Variants in RGS6 observed in about 807,000 individuals in gnomAD.
RGS6 encodes regulator of G protein signaling 6, also known as regulator of G-protein signaling 6.
RGS6 carries 30 observed loss-of-function variants against 78.5 expected under a neutral mutation model. The ratio of observed to expected loss-of-function variants is 0.38; its 90% confidence interval spans 0.29 to 0.52. The LOEUF is 0.52. Among genes scored for constraint, RGS6 ranks in the 20% least tolerant of loss-of-function variants. The pLI is 0.85. For synonymous variants in RGS6, 206 were observed against 206.0 expected (o/e 1.00, Z 0.00); for missense variants, 495 against 609.7 (o/e 0.81, Z 1.98).
intron 2 of RGS6, among the ~76,000 whole-genome samples, chr14:72,100,899 C>T (rs1313747828): frequency 1.3e-5 from 2 of 152,208 alleles, no homozygotes; most frequent in East Asian, 3.8e-4. Context: ...TGACTCATGC[C>T]TGTAATCCCA....
intron 2 of RGS6, among the ~76,000 whole-genome samples, chr14:71,983,424 G>A (rs553797586): frequency 6.6e-6 from 1 of 152,348 alleles, no homozygotes; most frequent in South Asian, 2.1e-4. Context: ...CTAAGGTGCT[G>A]TAACAAAGTC....
At chr14:71,982,024 A>G (rs1159467931) in intron 2 of RGS6, among the ~76,000 whole-genome samples, 5 of 151,742 alleles carry the variant, frequency 3.3e-5, no homozygotes, top group Admixed American at 3.3e-4. Flanking sequence ...AAAGCGCAGT[A>G]TTCGGGTGGG....
intron 2 of RGS6, among the ~76,000 whole-genome samples, chr14:72,319,698 A>G (rs900265081): frequency 5.3e-5 from 8 of 152,228 alleles, no homozygotes; most frequent in African/African-American, 1.9e-4. Flanking sequence ...AAAGTAAAAT[A>G]GACACTAGAC....
At chr14:72,460,840 G>A (rs1380367796) in intron 6 of RGS6, among the ~76,000 whole-genome samples, 1 of 152,010 alleles carries the variant, frequency 6.6e-6, no homozygotes, top group Non-Finnish European at 1.5e-5. Context: ...GAGACCCATG[G>A]GATAAGATAC....
chr14:72,334,065 C>G (rs2075567943), intron 2 of RGS6, among the ~76,000 whole-genome samples: 1 of 152,226 alleles, frequency 6.6e-6, no homozygotes, highest in Admixed American at 6.5e-5. Flanking sequence ...CCTTAAACCT[C>G]CATCTCCAAC....
chr14:72,111,979 C>T (rs7153171), intron 2 of RGS6, among the ~76,000 whole-genome samples: 14,488 of 152,246 alleles, frequency 0.095, 865 homozygotes, highest in East Asian at 0.25. Context: ...TTACTTTTCT[C>T]CTTGGCTACA....
At chr14:72,232,949 C>T (rs1346188878) in intron 2 of RGS6, among the ~76,000 whole-genome samples, 3 of 152,068 alleles carry the variant, frequency 2.0e-5, no homozygotes, top group African/African-American at 7.2e-5. Flanking sequence ...GCATGGGTGG[C>T]CACAGGAGAC....
the RGS6 span, chr14:72,620,019 G>T: frequency 6.6e-7 from 1 of 1,503,884 alleles, no homozygotes; most frequent in Non-Finnish European, 8.8e-7. Context: ...GAGGAGGAGA[G>T]ATTCCATTAT....
chr14:72,546,801 C>T (rs187974813), intron 17 of RGS6, among the ~76,000 whole-genome samples: 2 of 152,308 alleles, frequency 1.3e-5, no homozygotes, highest in East Asian at 1.9e-4. Flanking sequence ...AGATCCAAAT[C>T]GCGTACCCTG....
intron 15 of RGS6, among the ~76,000 whole-genome samples, chr14:72,528,652 G>A (rs542940469): frequency 1.7e-4 from 26 of 152,232 alleles, no homozygotes; most frequent in African/African-American, 3.4e-4. Context: ...AGGGAAAGAC[G>A]GAGGGAGAGA....
chr14:72,595,257 C>T, the RGS6 span: 1 of 152,068 alleles, frequency 6.6e-6, no homozygotes, highest in Non-Finnish European at 1.5e-5. Flanking sequence ...TCATATGCAT[C>T]CTCAGGTCAC....
intron 15 of RGS6, among the ~76,000 whole-genome samples, chr14:72,528,388 A>C (rs1337617596): frequency 6.6e-6 from 1 of 152,146 alleles, no homozygotes; most frequent in African/African-American, 2.4e-5. Flanking sequence ...TCGGGGTAAC[A>C]TCCCTCCACT....
At chr14:72,443,422 T>A (rs2079578635) in intron 3 of RGS6, among the ~76,000 whole-genome samples, 1 of 152,218 alleles carries the variant, frequency 6.6e-6, no homozygotes, top group South Asian at 2.1e-4. Flanking sequence ...CAGTGTGCTT[T>A]GCAGACTTTC....
intron 3 of RGS6, among the ~76,000 whole-genome samples, chr14:72,438,990 C>T (rs2095066825): frequency 6.6e-6 from 1 of 152,210 alleles, no homozygotes; most frequent in African/African-American, 2.4e-5. Flanking sequence ...TTGGCTGTTC[C>T]TCTGATGGGG....
chr14:72,023,193 C>T (rs1039488820), intron 2 of RGS6, among the ~76,000 whole-genome samples: 1 of 152,220 alleles, frequency 6.6e-6, no homozygotes, highest in Admixed American at 6.5e-5. Context: ...TCTAACTTTT[C>T]TAAGCAATGG....
chr14:72,334,219 GC>G (rs1156646743), intron 2 of RGS6, among the ~76,000 whole-genome samples: 2 of 152,232 alleles, frequency 1.3e-5, no homozygotes, highest in Non-Finnish European at 2.9e-5. Context: ...AAGGCTCAGT[GC>G]TGCAAAGCCA....
At chr14:72,502,775 GGAAAA>G (rs1243671433) in intron 13 of RGS6, among the ~76,000 whole-genome samples, 3 of 105,376 alleles carry the variant, frequency 2.8e-5, no homozygotes, top group Non-Finnish European at 3.8e-5. Flanking sequence ...AGAAAAGAAA[GGAAAA>G]GAAAAGAAAA....
rs117549822 is a variant in RGS6 at position 72,267,268 on chromosome 14, A to G, written c.85-84827A>G. ...ACCCAGCCAATTTTTATATGTTTAG[A>G]TGATTGGGAAATAGATTTTAAAAAG... On this transcript the variant is annotated intron_variant, in intron 2 of 17. Coordinates refer to ENST00000553525, the MANE Select transcript of RGS6 (RefSeq NM_001204424.2). 8.6e-3 allele frequency among the ~76,000 whole-genome samples: 1,304 copies of G among 152,300 alleles called. 7 individuals carry two copies. Among genetic ancestry groups the G allele is most frequent in the Non-Finnish European group, 0.013 (902 of 68,024 alleles).
chr14:72,208,579 G>A (rs995159356), intron 2 of RGS6, among the ~76,000 whole-genome samples: 6 of 152,086 alleles, frequency 3.9e-5, no homozygotes, highest in African/African-American at 1.4e-4. Flanking sequence ...ACAGGCCTGG[G>A]TCCTATTTCC....
Sources: allele counts gnomAD v4.1 joint callset (sites outside exome capture counted in the v4.1 genomes callset), GRCh38; gene constraint gnomAD v4.1.1; transcripts MANE v1.5; gene names NCBI Gene and HGNC (gene_info 2026-07-23, HGNC 2026-07-21).